Variants in PCID2 observed in about 807,000 individuals in gnomAD.
The protein encoded by PCID2 is PCI domain-containing protein 2.
In PCID2, 41 loss-of-function variants were observed where a neutral mutation model predicts 61.3. The ratio of observed to expected loss-of-function variants is 0.67; its 90% CI spans 0.52 to 0.87. PCID2 has a LOEUF of 0.87. PCID2 is among the 40% of genes least tolerant of loss of function. The pLI is 0.00. For missense variants in PCID2, 392 were observed against 493.4 expected, an observed-to-expected ratio of 0.79 and a Z score of 1.95; for synonymous variants, 187 against 177.8, an observed-to-expected ratio of 1.05 and a Z score of -0.41.
intron 1 of PCID2, among the ~76,000 whole-genome samples, chr13:113,205,482 T>C (rs1006688781): frequency 6.6e-6 from 1 of 152,200 alleles, no homozygotes; most frequent in African/African-American, 2.4e-5. Context: ...AAACACAGAA[T>C]TACCATATGA....
intron 6 of PCID2, among the ~76,000 whole-genome samples, chr13:113,194,117 G>T (rs904152805): frequency 1.8e-4 from 27 of 152,150 alleles, no homozygotes; most frequent in African/African-American, 6.5e-4. Context: ...TCCACCTGGT[G>T]GGGAGGGGGA....
chr13:113,208,574 C>T (rs1441776970), intron 1 of PCID2, 25 bp downstream of exon 1: 7 of 1,605,570 alleles, frequency 4.4e-6, no homozygotes, highest in East Asian at 2.3e-5. Flanking sequence ...ACCACGCCGC[C>T]GCGCGCTCCC....
At chr13:113,197,326 A>AGT in intron 3 of PCID2, 83 bp from the exon 4 acceptor site, 2 of 926,458 alleles carry the variant, frequency 2.2e-6, no homozygotes, top group Admixed American at 3.5e-5. Context: ...TTCATTGCAC[A>AGT]GGTCCCAGTG....
intron 1 of PCID2, 115 bp downstream of exon 1, chr13:113,208,484 G>T: frequency 1.3e-6 from 2 of 1,540,950 alleles, no homozygotes; most frequent in Admixed American, 2.0e-5. Context: ...GACCCGAACG[G>T]AAGAAGGGTG....
chr13:113,172,210 G>A, the PCID2 span: 14 of 1,482,166 alleles, frequency 9.4e-6, no homozygotes, highest in Non-Finnish European at 1.3e-5. Flanking sequence ...CTGAGAGGCC[G>A]TCACAGCCCC....
chr13:113,171,542 T>C, the PCID2 span: 2 of 1,612,090 alleles, frequency 1.2e-6, no homozygotes, highest in East Asian at 2.2e-5. This position sits in a 1 kb window ranked among gnomAD's most constrained non-coding sequence, Gnocchi z 5.1. Flanking sequence ...TTGAGCATTA[T>C]GTCCCCTTGA....
At chr13:113,194,999 G>T (rs2038901726) in intron 6 of PCID2, 72 bp downstream of exon 6, 2 of 1,065,698 alleles carry the variant, frequency 1.9e-6, no homozygotes, top group African/African-American at 1.5e-5. Context: ...TGGGAAGAAT[G>T]ACATGAAATT....
In PCID2 at chr13:113,180,058, G is replaced by A. The variant is rs755926048; in HGVS notation, c.861-16C>T. ...GTTGCCCTCGCTGGTGAGGGGGGAG[G>A]CGCGTCAGAAGGAGGGTGAGTTTCT... On this transcript the variant is annotated splice_polypyrimidine_tract_variant and intron_variant, in intron 11 of 13. Coordinates refer to ENST00000337344, the MANE Select transcript of PCID2 (RefSeq NM_001127202.4). 1 of 1,613,784 alleles carries A rather than the reference G, an allele frequency of 6.2e-7. No individual in the cohort carries two copies.
chr13:113,170,311 G>A, the PCID2 span: 2 of 706,050 alleles, frequency 2.8e-6, no homozygotes, highest in Admixed American at 4.0e-5. Context: ...GGGGGTGGGG[G>A]TGGGGGTGGG....
chr13:113,190,691 A>T (rs1314486997), intron 7 of PCID2, 181 bp downstream of exon 7: 1 of 442,610 alleles, frequency 2.3e-6, no homozygotes, highest in Non-Finnish European at 4.0e-6. Flanking sequence ...TTTTTCCCTC[A>T]GCTCTTATTT....
Position 113,179,175 on chromosome 13 carries a change from GTGT to G in PCID2, c.987-89_987-87del. 1 of 1,265,362 alleles carries G rather than the reference GTGT, an allele frequency of 7.9e-7. No individual in the cohort carries two copies. Among genetic ancestry groups the G allele is most frequent in the Non-Finnish European group, 1.1e-6 (1 of 909,780 alleles). 78.4% of individuals were successfully genotyped at this position (1,265,362 alleles called of 1,614,324 possible). On this transcript the variant is annotated intron_variant, in intron 12 of 13. Transcript: ENST00000337344. This position sits in a 1 kb window ranked among gnomAD's most constrained non-coding sequence, Gnocchi z 4.3. ...AGAAAAGGCACCTCTTAATAAGCCG[GTGT>G]TCTAAAGGAGTAAAAAAATTCCCAC...
intron 3 of PCID2, among the ~76,000 whole-genome samples, chr13:113,197,639 C>T (rs1206738751): frequency 6.6e-6 from 1 of 152,194 alleles, no homozygotes; most frequent in Non-Finnish European, 1.5e-5. Flanking sequence ...CTTTGTACTA[C>T]AAGGAACACG....
Position 113,180,051 on chromosome 13 carries a change from G to A in PCID2, c.861-9C>T. The stretch of plus-strand genomic sequence containing the variant: ...GCAGCAGGTTGCCCTCGCTGGTGAG[G>A]GGGGAGGCGCGTCAGAAGGAGGGTG... On this transcript the variant is annotated splice_polypyrimidine_tract_variant and intron_variant, in intron 11 of 13. Transcript: ENST00000337344. The A allele has an allele frequency of 1.9e-6, 3 of 1,613,900 alleles. No individual in the cohort carries two copies. Among genetic ancestry groups the A allele is most frequent in the Non-Finnish European group, 2.5e-6 (3 of 1,179,872 alleles).
chr13:113,186,124 C>T (rs927041575), intron 7 of PCID2: 1 of 153,310 alleles, frequency 6.5e-6, no homozygotes, highest in Non-Finnish European at 1.5e-5. Flanking sequence ...CCCACCAAGG[C>T]AGACACAAAA....
At chr13:113,208,315 T>C in intron 1 of PCID2, 1 of 1,431,816 alleles carries the variant, frequency 7.0e-7, no homozygotes, top group Non-Finnish European at 9.1e-7. Flanking sequence ...TGCCAGCAAG[T>C]GAGGGCAGCG....
In PCID2 at chr13:113,197,208, T is replaced by C. The variant is rs759630410; in HGVS notation, c.236A>G (p.Glu79Gly). The C allele has an allele frequency of 6.2e-7, 1 of 1,613,844 alleles. No individual in the cohort carries two copies. The highest frequency in any genetic ancestry group is 8.5e-7 in the Non-Finnish European group (1 of 1,179,824). Residue 79 changes from glutamate (E) to glycine (G), a missense_variant, in exon 4 of 14, where the codon GAG becomes GGG. Glu to Gly is a moderately conservative substitution (Grantham distance 98). This residue lies in a region of PCID2 where 155 missense variants were observed against 164.9 expected (regional missense o/e 0.94). Transcript: ENST00000337344. The part of the protein sequence containing the change: ...TYAVGNHDFI[E>G]AYKCQTVIVQ... ...TATCACGGTCTGGCACTTGTATGCC[T>C]CTATGAAGTCATGATTCCCCACTGC... is the stretch of plus-strand genomic sequence containing the variant.
chr13:113,178,746 G>C (rs1321714481), intron 13 of PCID2, among the ~76,000 whole-genome samples: 1 of 152,150 alleles, frequency 6.6e-6, no homozygotes, highest in Non-Finnish European at 1.5e-5. Context: ...CAGATACCGA[G>C]GGATGTACCG....
At chr13:113,176,487 T>G (rs2037188329), downstream of PCID2, among the ~76,000 whole-genome samples, 3 of 152,296 alleles carry the variant, frequency 2.0e-5, no homozygotes, top group Non-Finnish European at 2.9e-5. Flanking sequence ...GAGAGCCGGG[T>G]GTGGTGGCAC....
At chr13:113,189,259 C>T (rs1228775833) in intron 7 of PCID2, among the ~76,000 whole-genome samples, 1 of 152,142 alleles carries the variant, frequency 6.6e-6, no homozygotes, top group Non-Finnish European at 1.5e-5. Context: ...GAGCACCATG[C>T]TTCTTGTGCA....
Sources: gnomAD v4.1 joint callset for allele counts (sites outside exome capture counted in the v4.1 genomes callset) on GRCh38, gnomAD v4.1.1 for gene constraint, gnomAD v4.1.1 regional missense constraint, Gnocchi (gnomAD v3.1) non-coding constraint, MANE v1.5 for transcripts, NCBI Gene and HGNC (gene_info 2026-07-23, HGNC 2026-07-21) for gene names.